The following TRA2A variants were observed in gnomAD, a reference collection of about 807,000 sequenced individuals.
TRA2A encodes transformer-2 protein homolog alpha.
TRA2A carries 31 observed loss-of-function variants against 45.7 expected under a neutral mutation model. The observed-to-expected ratio is 0.68, with a 90% CI of 0.51 to 0.92. The LOEUF is 0.92. Ranked by LOEUF, TRA2A falls within the 40% of genes least tolerant of loss-of-function variation. The probability of loss-of-function intolerance (pLI) is 0.00; values close to 1 mark genes in which losing one functional copy is unlikely to be tolerated. For synonymous variants in TRA2A, 132 were observed against 126.2 expected, an observed-to-expected ratio of 1.05 and a Z score of -0.31; for missense variants, 304 against 367.5, an observed-to-expected ratio of 0.83 and a Z score of 1.41.
At chr7:23,527,209 C>G (rs1353259838) in intron 1 of TRA2A, among the ~76,000 whole-genome samples, 1 of 152,128 alleles carries the variant, frequency 6.6e-6, no homozygotes, top group Non-Finnish European at 1.5e-5. Flanking sequence ...CACAACTTTT[C>G]TTCTACATAT....
At chr7:23,511,925 TTCC>T (rs1434123734) in intron 4 of TRA2A, among the ~76,000 whole-genome samples, 1 of 152,234 alleles carries the variant, frequency 6.6e-6, no homozygotes, top group Non-Finnish European at 1.5e-5. Flanking sequence ...AACAAGTTCC[TTCC>T]TCATTATAGA....
At chr7:23,515,650 A>AT (rs1789832388) in intron 3 of TRA2A, among the ~76,000 whole-genome samples, 1 of 151,928 alleles carries the variant, frequency 6.6e-6, no homozygotes, top group Non-Finnish European at 1.5e-5. Flanking sequence ...GGTTCAAGGG[A>AT]TTCTCCAGCC....
intron 2 of TRA2A, among the ~76,000 whole-genome samples, chr7:23,518,188 C>T (rs960424885): frequency 9.2e-5 from 14 of 151,980 alleles, no homozygotes; most frequent in African/African-American, 2.9e-4. Flanking sequence ...TTGCCCACCT[C>T]GACCTCCCCA....
chr7:23,506,325 A>T, intron 5 of TRA2A, 59 bp from the exon 6 acceptor site: 1 of 1,462,294 alleles, frequency 6.8e-7, no homozygotes, highest in South Asian at 1.4e-5. Context: ...AGGACACTTT[A>T]ATACAAATTG....
intron 2 of TRA2A, among the ~76,000 whole-genome samples, chr7:23,517,620 C>A (rs1314383450): frequency 1.4e-5 from 2 of 142,044 alleles, no homozygotes; most frequent in Non-Finnish European, 3.1e-5. Context: ...CAAAACAAAA[C>A]AAAAAAAATC....
chr7:23,507,733 G>C (rs978000088), intron 4 of TRA2A, among the ~76,000 whole-genome samples, 198 bp from the exon 5 acceptor site: 7 of 152,170 alleles, frequency 4.6e-5, no homozygotes, highest in African/African-American at 7.2e-5. Flanking sequence ...TTACTCAGCA[G>C]AAAGAGTAGT....
chr7:23,510,323 C>CT (rs918175486), intron 4 of TRA2A, among the ~76,000 whole-genome samples: 2 of 152,010 alleles, frequency 1.3e-5, no homozygotes, highest in African/African-American at 4.8e-5. Flanking sequence ...GCCAGTTAAG[C>CT]TTTTTTTTCT....
At chr7:23,506,321 C>G in intron 5 of TRA2A, 55 bp from the exon 6 acceptor site, 1 of 1,470,488 alleles carries the variant, frequency 6.8e-7, no homozygotes, top group South Asian at 1.4e-5. Context: ...TTCCAGGACA[C>G]TTTAATACAA....
chr7:23,516,870 G>C (rs902501373), intron 2 of TRA2A, among the ~76,000 whole-genome samples: 2 of 152,128 alleles, frequency 1.3e-5, no homozygotes, highest in Non-Finnish European at 2.9e-5. Context: ...AGCACTTTGG[G>C]AGGCCGACGC....
At chr7:23,518,394 T>C (rs1584130066) in intron 2 of TRA2A, among the ~76,000 whole-genome samples, 1 of 152,066 alleles carries the variant, frequency 6.6e-6, no homozygotes, top group Non-Finnish European at 1.5e-5. Flanking sequence ...CAGGCTGGAG[T>C]GCAATGGCAC....
Position 23,513,193 on chromosome 7 carries a change from T to C in TRA2A, c.337-111A>G, listed in dbSNP as rs530152158. 5.1e-5 allele frequency: 39 copies of C among 762,002 alleles called. No individual in the cohort carries two copies. The East Asian group carries it at 1.0e-3, about 20-fold the overall frequency. 47.2% of individuals were successfully genotyped at this position (762,002 alleles called of 1,614,324 possible). A position where few individuals can be genotyped will look rare whatever the true frequency, so the allele number is the denominator to read the frequency against. ...TAATACACAATAAATATATTGTTTC[T>C]AATAATTTGGAGATAAGATTTTAAG... On this transcript the variant is annotated intron_variant, in intron 3 of 7. Coordinates refer to ENST00000297071, the MANE Select transcript of TRA2A (RefSeq NM_013293.5).
At chr7:23,505,902 A>C (rs1346899106) in intron 6 of TRA2A, 89 bp from the exon 7 acceptor site, 12 of 841,014 alleles carry the variant, frequency 1.4e-5, no homozygotes, top group Non-Finnish European at 2.2e-5. Flanking sequence ...TCAAAATAAT[A>C]ATGTACCTAA....
rs11415684 is a variant in TRA2A at position 23,529,853 on chromosome 7, C to CTTTTT, written c.36+1931_36+1935dup. On this transcript the variant is annotated intron_variant, in intron 1 of 7. Transcript: ENST00000297071. The stretch of plus-strand genomic sequence containing the variant: ...CTTTAGCTTAAAAGTGGGTGGGAAT[C>CTTTTT]TTTTTTTTTTTTTTTGAGACGGGAG... Among the ~76,000 whole-genome samples the CTTTTT allele has an allele frequency of 1.5e-4, 21 of 141,012 alleles. 1 individual carries two copies. The highest frequency in any genetic ancestry group is 4.4e-4 in the South Asian group (2 of 4,504). 92.5% of individuals were successfully genotyped at this position (141,012 alleles called of 152,430 possible).
At chr7:23,531,711 C>G in intron 1 of TRA2A, 78 bp downstream of exon 1, 1 of 1,561,722 alleles carries the variant, frequency 6.4e-7, no homozygotes, top group Non-Finnish European at 8.8e-7. Context: ...ACCCGCAACC[C>G]CGCCCGACCG....
At chr7:23,505,710 G>T (rs373496429) in intron 7 of TRA2A, 36 bp downstream of exon 7, 13 of 1,385,702 alleles carry the variant, frequency 9.4e-6, no homozygotes, top group Non-Finnish European at 1.1e-5. Flanking sequence ...AATTAGAAAT[G>T]AGGTTTTTTA....
intron 4 of TRA2A, among the ~76,000 whole-genome samples, chr7:23,511,712 A>T (rs1789630137): frequency 6.6e-6 from 1 of 151,904 alleles, no homozygotes; most frequent in African/African-American, 2.4e-5. Flanking sequence ...ACACAGCAAG[A>T]CTCCCTGCAA....
rs557146352 is a variant in TRA2A, at chr7:23,515,353, C to T, written c.336+1010G>A. Among the ~76,000 whole-genome samples the T allele has an allele frequency of 4.3e-3, 640 of 150,374 alleles. 4 individuals are homozygous for T. Among genetic ancestry groups the T allele is most frequent in the African/African-American group, 0.015 (619 of 40,860 alleles). On this transcript the variant is annotated intron_variant, in intron 3 of 7. Coordinates refer to ENST00000297071, the MANE Select transcript of TRA2A (RefSeq NM_013293.5). ...CACACCATTCTCCTGCCTCAGCCTC[C>T]GGAGTAGCTGGGACTACAGGCGTCT...
chr7:23,528,235 G>A (rs1003714122), intron 1 of TRA2A, among the ~76,000 whole-genome samples: 2 of 151,966 alleles, frequency 1.3e-5, no homozygotes, highest in Admixed American at 1.3e-4. Flanking sequence ...TTTTTGAGAC[G>A]AGTCTCGCTC....
Position 23,507,525 on chromosome 7 carries a change from CT to C in TRA2A, c.535del (p.Arg179GlyfsTer18). ...ACCATCCAGCTCCATTCCATTTGCC[CT>C]TTCCATAGCCTATAAAGAACAGGCA... ...RIDDSKEAME[R>X]ANGMELDGRR... On this transcript the variant is annotated frameshift_variant, in exon 5 of 8. Coordinates refer to ENST00000297071, the MANE Select transcript of TRA2A (RefSeq NM_013293.5). LOFTEE classifies it high-confidence loss of function. 1 of 1,613,408 alleles carries C rather than the reference CT, an allele frequency of 6.2e-7. No homozygotes were observed. The highest frequency in any genetic ancestry group is 8.5e-7 in the Non-Finnish European group (1 of 1,179,498).
Sources: allele counts gnomAD v4.1 joint callset (sites outside exome capture counted in the v4.1 genomes callset), GRCh38; gene constraint gnomAD v4.1.1; transcripts MANE v1.5; gene names NCBI Gene and HGNC (gene_info 2026-07-23, HGNC 2026-07-21).